The following ABTB3 variants were observed in gnomAD, a reference collection of about 807,000 sequenced individuals.
ABTB3 encodes the protein ankyrin repeat and BTB domain containing 3.
chr12:107,358,216 C>T, the ABTB3 span, among the ~76,000 whole-genome samples: 2 of 152,120 alleles, frequency 1.3e-5, no homozygotes, highest in African/African-American at 2.4e-5. Context: ...ATAAGTGCTA[C>T]AGAGAAAAAT....
the ABTB3 span, among the ~76,000 whole-genome samples, chr12:107,598,664 A>G: frequency 6.6e-6 from 1 of 152,244 alleles, no homozygotes; most frequent in Admixed American, 6.5e-5. Flanking sequence ...AGTAAGGGAG[A>G]AAAGCTATTA....
At chr12:107,457,862 A>G in the ABTB3 span, among the ~76,000 whole-genome samples, 3 of 152,198 alleles carry the variant, frequency 2.0e-5, no homozygotes, top group Non-Finnish European at 2.9e-5. Flanking sequence ...AAGAATGGAG[A>G]CTTTGGCAAC....
the ABTB3 span, chr12:107,544,001 C>T: frequency 1.2e-5 from 20 of 1,612,928 alleles, no homozygotes; most frequent in Non-Finnish European, 1.6e-5. Context: ...GGCAATGGCA[C>T]CCCCCTGCAC....
At chr12:107,611,383 A>G in the ABTB3 span, among the ~76,000 whole-genome samples, 1 of 152,006 alleles carries the variant, frequency 6.6e-6, no homozygotes. Context: ...GTCTTGCTAC[A>G]CTGCCCAGGC....
chr12:107,432,245 G>T, the ABTB3 span, among the ~76,000 whole-genome samples: 1 of 152,170 alleles, frequency 6.6e-6, no homozygotes, highest in South Asian at 2.1e-4. Flanking sequence ...AGCCCTAAAG[G>T]TCAAAGGTTA....
chr12:107,391,145 C>T, the ABTB3 span, among the ~76,000 whole-genome samples: 19 of 151,948 alleles, frequency 1.3e-4, no homozygotes, highest in Non-Finnish European at 8.8e-5. Context: ...AGCGAGACTC[C>T]GCCTCAAAAA....
the ABTB3 span, among the ~76,000 whole-genome samples, chr12:107,406,494 C>T: frequency 3.3e-5 from 5 of 152,296 alleles, no homozygotes; most frequent in East Asian, 9.6e-4. Context: ...TCCCACCATC[C>T]CAGGACTCGG....
the ABTB3 span, among the ~76,000 whole-genome samples, chr12:107,368,770 G>T: frequency 6.6e-6 from 1 of 152,144 alleles, no homozygotes; most frequent in Admixed American, 6.5e-5. Flanking sequence ...ACTCAACATT[G>T]TAATTTTGTA....
chr12:107,483,743 G>A, the ABTB3 span, among the ~76,000 whole-genome samples: 2 of 152,148 alleles, frequency 1.3e-5, no homozygotes, highest in Non-Finnish European at 2.9e-5. Flanking sequence ...CTGGAGCCCA[G>A]TAGCACAATC....
At chr12:107,551,163 C>A in the ABTB3 span, among the ~76,000 whole-genome samples, 7 of 152,194 alleles carry the variant, frequency 4.6e-5, no homozygotes. Context: ...CCTGAGGGAG[C>A]AATCACATCT....
the ABTB3 span, among the ~76,000 whole-genome samples, chr12:107,417,153 T>C: frequency 6.6e-6 from 1 of 152,232 alleles, no homozygotes; most frequent in Non-Finnish European, 1.5e-5. Context: ...GGTTTCCTCA[T>C]TCATTCATCC....
At chr12:107,535,111 T>G in the ABTB3 span, among the ~76,000 whole-genome samples, 1 of 152,174 alleles carries the variant, frequency 6.6e-6, no homozygotes, top group South Asian at 2.1e-4. Context: ...GTTGGATTAA[T>G]CCTAGAAATG....
At chr12:107,506,855 T>C in the ABTB3 span, among the ~76,000 whole-genome samples, 1 of 152,304 alleles carries the variant, frequency 6.6e-6, no homozygotes, top group African/African-American at 2.4e-5. Context: ...TGAGAATACA[T>C]AGAAAGTTCT....
chr12:107,516,032 T>A, the ABTB3 span, among the ~76,000 whole-genome samples: 1 of 128,552 alleles, frequency 7.8e-6, no homozygotes, highest in African/African-American at 3.4e-5. Context: ...AGTGTGTGTG[T>A]GCATGTGTGT....
At chr12:107,633,741 G>C in the ABTB3 span, among the ~76,000 whole-genome samples, 1 of 152,186 alleles carries the variant, frequency 6.6e-6, no homozygotes, top group South Asian at 2.1e-4. Context: ...CACAGCCCAG[G>C]TCGAACCCAT....
At chr12:107,532,131 C>T in the ABTB3 span, among the ~76,000 whole-genome samples, 1 of 152,248 alleles carries the variant, frequency 6.6e-6, no homozygotes, top group African/African-American at 2.4e-5. Context: ...GACAAGACCA[C>T]CAGCATCAGT....
At chr12:107,393,740 C>T in the ABTB3 span, among the ~76,000 whole-genome samples, 1 of 152,114 alleles carries the variant, frequency 6.6e-6, no homozygotes, top group African/African-American at 2.4e-5. Context: ...ACCATCCTGG[C>T]TAACACGGTG....
chr12:107,514,460 T>G, the ABTB3 span, among the ~76,000 whole-genome samples: 1 of 152,166 alleles, frequency 6.6e-6, no homozygotes, highest in Non-Finnish European at 1.5e-5. Context: ...AGGGAAATTA[T>G]TTCCTTTAGG....
chr12:107,502,385 T>A, the ABTB3 span, among the ~76,000 whole-genome samples: 3 of 151,964 alleles, frequency 2.0e-5, no homozygotes, highest in Non-Finnish European at 4.4e-5. Context: ...TGGTACTTTT[T>A]AAAACTCCCC....
Sources: allele counts gnomAD v4.1 joint callset (sites outside exome capture counted in the v4.1 genomes callset), GRCh38; gene constraint gnomAD v4.1.1; transcripts MANE v1.5; gene names NCBI Gene and HGNC (gene_info 2026-07-23, HGNC 2026-07-21).